ZCCHC2: variants seen among roughly 807,000 people sequenced by gnomAD.
ZCCHC2 encodes the protein zinc finger CCHC domain-containing protein 2.
A neutral mutation model predicts 103.6 loss-of-function variants in ZCCHC2; 39 were observed. The ratio of observed to expected loss-of-function variants is 0.38; its 90% CI spans 0.29 to 0.49. The LOEUF is 0.49. Among genes scored for constraint, ZCCHC2 ranks in the 20% least tolerant of loss-of-function variants. ZCCHC2 has a pLI of 0.96. For synonymous variants in ZCCHC2, 687 were observed against 608.9 expected (o/e 1.13, Z -1.89); for missense variants, 1,483 against 1,491.0 (o/e 0.99, Z 0.09).
chr18:62,563,184 A>G (rs1353991296), intron 9 of ZCCHC2, 40 bp downstream of exon 9: 7 of 1,577,362 alleles, frequency 4.4e-6, no homozygotes, highest in African/African-American at 1.3e-5. Flanking sequence ...TAGTTAAAGC[A>G]TTGCTCCTCT....
intron 4 of ZCCHC2, among the ~76,000 whole-genome samples, chr18:62,547,520 C>A (rs138302307): frequency 1.3e-5 from 2 of 151,778 alleles, no homozygotes; most frequent in East Asian, 3.9e-4. Flanking sequence ...GCATTCTGGC[C>A]CCCTTCACCT....
intron 1 of ZCCHC2, among the ~76,000 whole-genome samples, chr18:62,528,152 T>A (rs1164166186): frequency 6.6e-6 from 1 of 152,232 alleles, no homozygotes; most frequent in African/African-American, 2.4e-5. Context: ...GAATGAAAGA[T>A]AAAAATGTAA....
chr18:62,537,933 C>T (rs1234986304), intron 1 of ZCCHC2, among the ~76,000 whole-genome samples: 1 of 152,166 alleles, frequency 6.6e-6, no homozygotes, highest in Non-Finnish European at 1.5e-5. Flanking sequence ...TCCTTGCCAA[C>T]ACTGTCTTTT....
At chr18:62,573,875 G>A (rs868224407) in intron 12 of ZCCHC2, among the ~76,000 whole-genome samples, 182 bp from the exon 13 acceptor site, 3 of 152,102 alleles carry the variant, frequency 2.0e-5, no homozygotes, top group Admixed American at 6.5e-5. Flanking sequence ...AAAATAAAGC[G>A]TTGATCTAAT....
At position 62,574,136 on chromosome 18, in the gene ZCCHC2, C is replaced by T; in HGVS notation, c.2055C>T (p.Val685=). The stretch of plus-strand genomic sequence containing the variant: ...GTTACGGTTCTGTCAACCAGACTGT[C>T]ACTGTCAAGCCACCTGTTCAAATTG... ...FTGYGSVNQT[V]TVKPPVQIAS... Residue 685 remains valine, a synonymous_variant, in exon 13 of 14, where the codon GTC becomes GTT. Coordinates refer to ENST00000269499, the MANE Select transcript of ZCCHC2 (RefSeq NM_017742.6). 6.2e-7 allele frequency: 1 copy of T among 1,614,016 alleles called. No homozygotes were observed. The highest frequency in any genetic ancestry group is 1.6e-4 in the Middle Eastern group (1 of 6,062).
At chr18:62,528,332 C>T (rs1201304349) in intron 1 of ZCCHC2, among the ~76,000 whole-genome samples, 1 of 152,230 alleles carries the variant, frequency 6.6e-6, no homozygotes, top group African/African-American at 2.4e-5. Flanking sequence ...CGGTGGCTCA[C>T]GCCTGTAATC....
chr18:62,584,562 A>G (rs1598975353), exon 15 of ZCCHC2: 1 of 152,176 alleles, frequency 6.6e-6, no homozygotes, highest in Non-Finnish European at 1.5e-5. Flanking sequence ...AGCAGATGTT[A>G]TTTCCTACTG....
At position 62,576,824 on chromosome 18, in the gene ZCCHC2, A is replaced by G. The variant is rs1209784303; in HGVS notation, c.*245A>G. 5.3e-6 allele frequency: 2 copies of G among 374,666 alleles called. No homozygotes were observed. The highest frequency in any genetic ancestry group is 9.5e-6 in the Non-Finnish European group (2 of 209,786). The allele number at this position is 374,666 out of a possible 1,614,324, so 23.2% of individuals were successfully genotyped here. A position where few individuals can be genotyped will look rare whatever the true frequency, so the allele number is the denominator to read the frequency against. On this transcript the variant is annotated 3_prime_UTR_variant, in exon 14 of 14. Transcript: ENST00000269499. ...TACATGTAATTTAAACCTTCAGACA[A>G]ACTTAAATGTTGGTGCGTGCTTTTT...
In ZCCHC2 at chr18:62,523,307, C is replaced by G. The variant is rs921222709; in HGVS notation, c.-118C>G. 3 of 969,546 alleles carry G rather than the reference C, an allele frequency of 3.1e-6. No individual in the cohort carries two copies. In the Middle Eastern group the frequency reaches 1.6e-3, roughly 509 times the overall value. The allele number at this position is 969,546 out of a possible 1,614,324, so 60.1% of individuals were successfully genotyped here. ...AGACCCGCCCCCGGCCCCGGCCCTC[C>G]CCCGGCGGCATGGAGGGGCCCCGCT... On this transcript the variant is annotated 5_prime_UTR_variant, in exon 1 of 14. Transcript: ENST00000269499.
chr18:62,544,712 G>C, intron 3 of ZCCHC2, 90 bp from the exon 4 acceptor site: 1 of 1,012,820 alleles, frequency 9.9e-7, no homozygotes, highest in Non-Finnish European at 1.4e-6. Context: ...TAAAATTTAA[G>C]TAAGGCCCTT....
chr18:62,552,132 T>G (rs1232509099), intron 5 of ZCCHC2: 1 of 152,224 alleles, frequency 6.6e-6, no homozygotes. Flanking sequence ...GTTACCCAGC[T>G]GCCTTTCCCT....
chr18:62,556,010 A>C (rs780649299), intron 5 of ZCCHC2, among the ~76,000 whole-genome samples, 193 bp from the exon 6 acceptor site: 1 of 152,214 alleles, frequency 6.6e-6, no homozygotes, highest in Non-Finnish European at 1.5e-5. Context: ...GATTCTTGCA[A>C]ATGAATTTTG....
At chr18:62,584,005 A>G (rs1258930748) in intron 14 of ZCCHC2, among the ~76,000 whole-genome samples, 7 of 152,116 alleles carry the variant, frequency 4.6e-5, no homozygotes, top group African/African-American at 1.7e-4. Context: ...TGGCTTGCTC[A>G]GGTTGGATTC....
chr18:62,526,627 CGCGCACCCGGGGAGGGCGG>C (rs952225280), intron 1 of ZCCHC2, among the ~76,000 whole-genome samples: 92 of 152,276 alleles, frequency 6.0e-4, no homozygotes, highest in Admixed American at 2.4e-3. Context: ...CCGCCGCCGC[CGCGCACCCGGGGAGGGCGG>C]GCGCACCTCC....
chr18:62,562,923 A>C, intron 8 of ZCCHC2, 86 bp from the exon 9 acceptor site: 2 of 1,457,458 alleles, frequency 1.4e-6, no homozygotes, highest in Admixed American at 1.9e-5. Context: ...ATATTGAAGA[A>C]AGGGTTACTG....
intron 11 of ZCCHC2, among the ~76,000 whole-genome samples, chr18:62,567,220 G>A (rs1916407726): frequency 6.6e-6 from 1 of 152,156 alleles, no homozygotes; most frequent in South Asian, 2.1e-4. Context: ...AAGGCACCAA[G>A]GAAGAATTGT....
chr18:62,523,935 T>A lies in ZCCHC2; in HGVS notation c.511T>A (p.Ser171Thr). The change falls in exon 1 of 14, where the codon TCG becomes ACG. Residue 171 changes from serine (S) to threonine (T), a missense_variant. Physicochemically the swap from Ser to Thr is moderately conservative, Grantham distance 58. Coordinates refer to ENST00000269499, the MANE Select transcript of ZCCHC2 (RefSeq NM_017742.6). ...CGACTTCCGAGAGCCCGCGGTGCGC[T>A]CGCGCCTCATCGTCTACCTGGCGCT... Reference protein sequence around the residue: ...LADFREPAVRSRLIVYLALLG... With the variant: ...LADFREPAVRTRLIVYLALLG... 6.6e-7 allele frequency: 1 copy of A among 1,525,560 alleles called. No individual in the cohort carries two copies. 94.5% of individuals were successfully genotyped at this position (1,525,560 alleles called of 1,614,324 possible). A position where few individuals can be genotyped will look rare whatever the true frequency, so the allele number is the denominator to read the frequency against.
At chr18:62,579,676 C>G (rs1018977497), downstream of ZCCHC2, among the ~76,000 whole-genome samples, 4 of 152,206 alleles carry the variant, frequency 2.6e-5, no homozygotes, top group African/African-American at 9.6e-5. Context: ...CCTCCCTCCC[C>G]TTCCCCCACT....
rs1385203607 is a variant in ZCCHC2, at chr18:62,574,933, G to T, written c.2852G>T (p.Ser951Ile). The change falls in exon 13 of 14, where the codon AGC (serine) becomes ATC (isoleucine). Residue 951 changes from serine to isoleucine, a missense_variant. This residue lies in a region of ZCCHC2 where 884 missense variants were observed against 907.5 expected (regional missense o/e 0.97). Coordinates refer to ENST00000269499, the MANE Select transcript of ZCCHC2 (RefSeq NM_017742.6). ...CCCCAGCCAGCGAGCGCAGGTATCA[G>T]CCAGGCCCAGGCAACTGTTCCTCCT... is the stretch of plus-strand genomic sequence containing the variant. ...TSPQPASAGISQAQATVPPAV... is the reference protein window; with the variant it reads ...TSPQPASAGIIQAQATVPPAV... 2 of 1,613,800 alleles carry T rather than the reference G, an allele frequency of 1.2e-6. No individual in the cohort carries two copies. Among genetic ancestry groups the T allele is most frequent in the South Asian group, 1.1e-5 (1 of 91,084 alleles).
Sources: gnomAD v4.1 joint callset for allele counts (sites outside exome capture counted in the v4.1 genomes callset) on GRCh38, gnomAD v4.1.1 for gene constraint, gnomAD v4.1.1 regional missense constraint, MANE v1.5 for transcripts, NCBI Gene and HGNC (gene_info 2026-07-23, HGNC 2026-07-21) for gene names.